The following XYLT1 variants were observed in gnomAD, a reference collection of about 807,000 sequenced individuals.
XYLT1 encodes beta-D-xylosyltransferase 1.
In XYLT1, 36 loss-of-function variants were observed where a neutral mutation model predicts 91.3. The observed-to-expected ratio is 0.39, with a 90% CI of 0.30 to 0.52. The LOEUF (loss-of-function observed/expected upper bound fraction) is 0.52, where lower values mean the gene tolerates loss of function less well. Ranked by LOEUF, XYLT1 falls within the 20% of genes least tolerant of loss-of-function variation. The probability of loss-of-function intolerance (pLI) is 0.68; values close to 1 mark genes in which losing one functional copy is unlikely to be tolerated. For missense variants in XYLT1, 1,242 were observed against 1,284.5 expected (o/e 0.97, Z 0.51); for synonymous variants, 588 against 532.0 (o/e 1.11, Z -1.45).
intron 1 of XYLT1, among the ~76,000 whole-genome samples, chr16:17,392,405 C>T (rs2035831263): frequency 2.6e-5 from 4 of 152,154 alleles, no homozygotes; most frequent in Admixed American, 2.6e-4. Flanking sequence ...TGGGACCACC[C>T]TCTTCAACAC....
At chr16:17,255,196 G>A (rs1186210868) in intron 3 of XYLT1, among the ~76,000 whole-genome samples, 2 of 151,552 alleles carry the variant, frequency 1.3e-5, no homozygotes, top group East Asian at 3.9e-4. Flanking sequence ...ATGAGGTTTC[G>A]CCATGTTGGC....
intron 5 of XYLT1, chr16:17,194,110 A>G (rs2032376701): frequency 6.6e-6 from 1 of 152,238 alleles, no homozygotes; most frequent in African/African-American, 2.4e-5. Context: ...TCAGAGATAC[A>G]AGATGAGACC....
At chr16:17,119,205 G>A (rs1390921348) in intron 10 of XYLT1, among the ~76,000 whole-genome samples, 2 of 152,014 alleles carry the variant, frequency 1.3e-5, no homozygotes, top group Admixed American at 6.5e-5. Context: ...CTCGAGTAAT[G>A]TTTGTTGAAT....
At chr16:17,134,028 G>C (rs892300733) in intron 9 of XYLT1, among the ~76,000 whole-genome samples, 3 of 152,216 alleles carry the variant, frequency 2.0e-5, no homozygotes, top group Non-Finnish European at 4.4e-5. Context: ...GAAGGTGGGT[G>C]AAGATGAAAA....
At chr16:17,240,778 T>C (rs765005235) in intron 3 of XYLT1, among the ~76,000 whole-genome samples, 59 of 152,212 alleles carry the variant, frequency 3.9e-4, no homozygotes, top group Non-Finnish European at 7.5e-4. Context: ...CTTTATTATG[T>C]ATTACACATC....
Position 17,314,986 on chromosome 16 carries a change from T to C in XYLT1, c.402+43026A>G, listed in dbSNP as rs186056269. On this transcript the variant is annotated intron_variant, in intron 2 of 11. Transcript: ENST00000261381. ...TGGGCCAAGGTCAGGCCTTGGCTTA[T>C]ACTGAAAGAGGCATGAGGAGCCACG... is the stretch of plus-strand genomic sequence containing the variant. Among the ~76,000 whole-genome samples, 368 of 152,306 alleles carry C rather than the reference T, an allele frequency of 2.4e-3. 5 individuals carry two copies. Among genetic ancestry groups the C allele is most frequent in the South Asian group, 0.014 (68 of 4,832 alleles).
At chr16:17,366,695 A>G (rs1174530301) in intron 1 of XYLT1, among the ~76,000 whole-genome samples, 1 of 152,148 alleles carries the variant, frequency 6.6e-6, no homozygotes, top group African/African-American at 2.4e-5. Flanking sequence ...ACCGTGTCTT[A>G]AAACAAACAA....
chr16:17,349,058 A>G (rs1454447127), intron 2 of XYLT1, among the ~76,000 whole-genome samples: 1 of 152,176 alleles, frequency 6.6e-6, no homozygotes, highest in Non-Finnish European at 1.5e-5. Flanking sequence ...GTGCCCTGAG[A>G]GAAGATGCGT....
chr16:17,130,280 T>C (rs1358151219), intron 9 of XYLT1, among the ~76,000 whole-genome samples: 1 of 152,252 alleles, frequency 6.6e-6, no homozygotes, highest in Non-Finnish European at 1.5e-5. Context: ...GAATGCATAT[T>C]GTTTCAAAAC....
At chr16:17,148,117 C>T (rs1200615211) in intron 6 of XYLT1, among the ~76,000 whole-genome samples, 3 of 152,250 alleles carry the variant, frequency 2.0e-5, no homozygotes, top group African/African-American at 7.2e-5. Context: ...GTTTCCTCAT[C>T]TGTAAGATAA....
chr16:17,339,783 A>T (rs1056027356), intron 2 of XYLT1, among the ~76,000 whole-genome samples: 1 of 152,092 alleles, frequency 6.6e-6, no homozygotes, highest in Non-Finnish European at 1.5e-5. Flanking sequence ...AGGAATTTTT[A>T]AAAAATGAAC....
chr16:17,377,851 C>T (rs934135674), intron 1 of XYLT1, among the ~76,000 whole-genome samples: 5 of 152,122 alleles, frequency 3.3e-5, no homozygotes, highest in African/African-American at 9.7e-5. Flanking sequence ...GGGTTCAGAA[C>T]AAGCAAAAGA....
intron 1 of XYLT1, among the ~76,000 whole-genome samples, chr16:17,402,449 G>C (rs965680235): frequency 1.3e-5 from 2 of 152,222 alleles, no homozygotes; most frequent in African/African-American, 4.8e-5. Context: ...CAGTTGGGTT[G>C]GAATGGTGGG....
At chr16:17,427,048 C>T (rs537221993) in intron 1 of XYLT1, among the ~76,000 whole-genome samples, 1 of 152,118 alleles carries the variant, frequency 6.6e-6, no homozygotes, top group East Asian at 1.9e-4. Flanking sequence ...AATCAGGCAT[C>T]ATGGTAGGCA....
At chr16:17,272,106 T>C (rs2033903957) in intron 2 of XYLT1, among the ~76,000 whole-genome samples, 1 of 151,130 alleles carries the variant, frequency 6.6e-6, no homozygotes, top group Non-Finnish European at 1.5e-5. Context: ...GGGCAGTGGA[T>C]AGTCTTTGAG....
intron 2 of XYLT1, among the ~76,000 whole-genome samples, chr16:17,329,147 T>TA (rs1193764040): frequency 6.6e-6 from 1 of 152,158 alleles, no homozygotes; most frequent in African/African-American, 2.4e-5. Context: ...GACGAGTACG[T>TA]AACAAATGGG....
chr16:17,388,798 A>G (rs569926933), intron 1 of XYLT1, among the ~76,000 whole-genome samples: 1 of 152,288 alleles, frequency 6.6e-6, no homozygotes, highest in African/African-American at 2.4e-5. Context: ...AGATCAGAGA[A>G]TGTTTTACCC....
In XYLT1 at chr16:17,152,284, G is replaced by A. The variant is rs923798455; in HGVS notation, c.1370+6545C>T. 6.6e-5 allele frequency among the ~76,000 whole-genome samples: 10 copies of A among 152,226 alleles called. No individual in the cohort carries two copies. In the East Asian group the frequency reaches 9.6e-4, roughly 15 times the overall value. ...AAAAACACACGCTGAGGCCCAGGGA[G>A]GTATGTGTGTGCAGTTTTGTGTGGG... On this transcript the variant is annotated intron_variant, in intron 6 of 11. Coordinates refer to ENST00000261381, the MANE Select transcript of XYLT1 (RefSeq NM_022166.4).
intron 3 of XYLT1, among the ~76,000 whole-genome samples, chr16:17,236,647 C>T (rs928366527): frequency 3.3e-5 from 5 of 152,146 alleles, no homozygotes; most frequent in African/African-American, 4.8e-5. Context: ...TGGCAGGGTT[C>T]GTTTCTTCTG....
Sources: allele counts gnomAD v4.1 joint callset (sites outside exome capture counted in the v4.1 genomes callset), GRCh38; gene constraint gnomAD v4.1.1; transcripts MANE v1.5; gene names NCBI Gene and HGNC (gene_info 2026-07-23, HGNC 2026-07-21).